The following ORC2 variants were observed in gnomAD, a reference collection of about 807,000 sequenced individuals.
The protein encoded by ORC2 is origin recognition complex subunit 2.
Under a neutral mutation model 77.7 loss-of-function variants are expected in ORC2, and 37 were observed. The ratio of observed to expected loss-of-function variants is 0.48; its 90% CI spans 0.37 to 0.63. The LOEUF is 0.63. Ranked by LOEUF, ORC2 falls within the 20% of genes least tolerant of loss-of-function variation. The pLI is 0.00. For synonymous variants in ORC2, 201 were observed against 229.5 expected (o/e 0.88, Z 1.12); for missense variants, 557 against 661.9 (o/e 0.84, Z 1.74).
chr2:200,951,742 T>C (rs1249565118), intron 4 of ORC2, among the ~76,000 whole-genome samples: 1 of 152,212 alleles, frequency 6.6e-6, no homozygotes, highest in Non-Finnish European at 1.5e-5. Flanking sequence ...TTTAATTAAA[T>C]TGTTTTCTTA....
chr2:200,963,497 T>C lies in ORC2; in HGVS notation c.-67A>G. On this transcript the variant is annotated 5_prime_UTR_variant, in exon 1 of 18. Transcript: ENST00000234296. ...CGACACCCCACTACTCACCGCTAGGTTTCCGTCTGGCGCCGATCCGGCTGC... is the reference window on the plus strand; with the variant it reads ...CGACACCCCACTACTCACCGCTAGGCTTCCGTCTGGCGCCGATCCGGCTGC... The C allele has an allele frequency of 2.5e-6, 1 of 398,546 alleles. No individual in the cohort carries two copies. Among genetic ancestry groups the C allele is most frequent in the Non-Finnish European group, 4.4e-6 (1 of 226,052 alleles). The allele number at this position is 398,546 out of a possible 1,614,324, so 24.7% of individuals were successfully genotyped here. A position where few individuals can be genotyped will look rare whatever the true frequency, so the allele number is the denominator to read the frequency against.
intron 15 of ORC2, among the ~76,000 whole-genome samples, chr2:200,916,442 G>A (rs71424273): frequency 4.3e-4 from 65 of 151,750 alleles, no homozygotes; most frequent in Non-Finnish European, 7.9e-4. Context: ...CCGAGATCTT[G>A]CCACTGCACT....
chr2:200,940,526 G>A (rs943910492), intron 7 of ORC2, among the ~76,000 whole-genome samples: 1 of 152,062 alleles, frequency 6.6e-6, no homozygotes, highest in Non-Finnish European at 1.5e-5. Flanking sequence ...AGGAGGCCAG[G>A]CGTGGTGGCT....
chr2:200,941,395 C>G (rs2041149751), intron 6 of ORC2, 116 bp from the exon 7 acceptor site: 1 of 835,732 alleles, frequency 1.2e-6, no homozygotes, highest in African/African-American at 1.7e-5. Flanking sequence ...GTAATCCCAG[C>G]ACTTTGGGAG....
At position 200,921,104 on chromosome 2, in the gene ORC2, A is replaced by C; in HGVS notation, c.1183T>G (p.Leu395Val). ...SLELFLLIHNLDSQMLRGEKS... is the reference protein window; with the variant it reads ...SLELFLLIHNVDSQMLRGEKS... ...TCTCCTCTCAACATCTGGCTATCCA[A>C]ATTGTGGATGAGAAGGAAGAGTTCT... The change falls in exon 14 of 18, where the codon TTG becomes GTG. Residue 395 changes from leucine (L) to valine (V), a missense_variant. Physicochemically the swap from Leu to Val is conservative, Grantham distance 32. Transcript: ENST00000234296. 6.2e-7 allele frequency: 1 copy of C among 1,605,834 alleles called. No individual in the cohort carries two copies. The highest frequency in any genetic ancestry group is 8.5e-7 in the Non-Finnish European group (1 of 1,174,606).
intron 15 of ORC2, among the ~76,000 whole-genome samples, chr2:200,914,584 C>T (rs985039502): frequency 3.3e-5 from 5 of 151,882 alleles, no homozygotes; most frequent in African/African-American, 1.2e-4. Context: ...TTTGAGACCA[C>T]CCTGGGCAAT....
chr2:200,922,348 A>G (rs970948307), intron 13 of ORC2, among the ~76,000 whole-genome samples: 3 of 150,728 alleles, frequency 2.0e-5, no homozygotes, highest in African/African-American at 7.3e-5. Flanking sequence ...CTGATAGCAC[A>G]GAGGAAAGAC....
chr2:200,934,861 G>A (rs1175620979), intron 9 of ORC2, among the ~76,000 whole-genome samples: 1 of 152,102 alleles, frequency 6.6e-6, no homozygotes, highest in Non-Finnish European at 1.5e-5. Context: ...TAAGCAGTAG[G>A]CTCCTCAATT....
chr2:200,951,177 C>A (rs2041349170), intron 4 of ORC2, among the ~76,000 whole-genome samples: 1 of 152,174 alleles, frequency 6.6e-6, no homozygotes, highest in South Asian at 2.1e-4. Context: ...AAGGTCCTTT[C>A]ATATCTTGTT....
chr2:200,958,359 C>T lies in ORC2; in HGVS notation c.-10-226G>A, dbSNP rs564071459. On this transcript the variant is annotated intron_variant, in intron 2 of 17. Transcript: ENST00000234296. Reference sequence around the variant, plus strand: ...AAGAGATTCTGAGATTTGAGAAGAGCTAAATCCAATCAAGGTAGCTAAAAT... The same window carrying T: ...AAGAGATTCTGAGATTTGAGAAGAGTTAAATCCAATCAAGGTAGCTAAAAT... 6.7e-4 allele frequency among the ~76,000 whole-genome samples: 102 copies of T among 151,952 alleles called. 6 individuals carry two copies. Among genetic ancestry groups the T allele is most frequent in the Non-Finnish European group, 2.9e-5 (2 of 67,968 alleles).
intron 5 of ORC2, among the ~76,000 whole-genome samples, chr2:200,947,222 T>C (rs1483913199): frequency 6.6e-6 from 1 of 152,128 alleles, no homozygotes; most frequent in Non-Finnish European, 1.5e-5. Flanking sequence ...AATTTCTTGA[T>C]GTAGATAATA....
chr2:200,955,654 T>C (rs1575185889), intron 4 of ORC2, among the ~76,000 whole-genome samples: 1 of 152,166 alleles, frequency 6.6e-6, no homozygotes, highest in African/African-American at 2.4e-5. Context: ...ATATGTGGCA[T>C]AGAGAAATCA....
chr2:200,938,444 G>A (rs548367956), intron 7 of ORC2, among the ~76,000 whole-genome samples: 1 of 152,270 alleles, frequency 6.6e-6, no homozygotes, highest in African/African-American at 2.4e-5. Context: ...ATTTACTGGT[G>A]TTAAAGTATT....
At chr2:200,934,174 A>G (rs1187540756) in intron 9 of ORC2, among the ~76,000 whole-genome samples, 200 bp from the exon 10 acceptor site, 1 of 152,246 alleles carries the variant, frequency 6.6e-6, no homozygotes, top group African/African-American at 2.4e-5. Flanking sequence ...GGATCATATA[A>G]GTTAAAGAAA....
chr2:200,911,267 C>G lies in ORC2; in HGVS notation c.*34G>C. On this transcript the variant is annotated 3_prime_UTR_variant, in exon 18 of 18. Transcript: ENST00000234296. ...AGAGGAGTGGCAGCTGGGGTACAAC[C>G]CTTCCATGGGAGATTCAAGAATAAA... is the stretch of plus-strand genomic sequence containing the variant. 1 of 1,292,418 alleles carries G rather than the reference C, an allele frequency of 7.7e-7. No individual in the cohort carries two copies. The highest frequency in any genetic ancestry group is 1.2e-5 in the South Asian group (1 of 84,074). 80.1% of individuals were successfully genotyped at this position (1,292,418 alleles called of 1,614,324 possible).
At chr2:200,913,456 AC>A in intron 16 of ORC2, 43 bp from the exon 17 acceptor site, 1 of 1,537,332 alleles carries the variant, frequency 6.5e-7, no homozygotes, top group Non-Finnish European at 8.8e-7. Context: ...AGCACTTAAG[AC>A]ATGACCCAAT....
At chr2:200,922,376 A>T (rs1014647124) in intron 13 of ORC2, among the ~76,000 whole-genome samples, 15 of 133,062 alleles carry the variant, frequency 1.1e-4, no homozygotes, top group African/African-American at 2.6e-4. Context: ...TGAAATAGGT[A>T]AAAAAAAAAA....
rs764631189 is a variant in ORC2 at position 200,942,796 on chromosome 2, A to G, written c.329-19T>C. The G allele has an allele frequency of 2.8e-5, 42 of 1,505,224 alleles. No homozygotes were observed. Among genetic ancestry groups the G allele is most frequent in the Non-Finnish European group, 3.8e-5 (41 of 1,091,176 alleles). The allele number at this position is 1,505,224 out of a possible 1,614,324, so 93.2% of individuals were successfully genotyped here. ...TCTGAAGCTGTAAACAAAGAAATAT[A>G]TAAAAACCTTTTAAAGGACAACAGT... is the stretch of plus-strand genomic sequence containing the variant. On this transcript the variant is annotated intron_variant, in intron 5 of 17. Coordinates refer to ENST00000234296, the MANE Select transcript of ORC2 (RefSeq NM_006190.5).
At position 200,957,507 on chromosome 2, in the gene ORC2, G is replaced by C; in HGVS notation, c.132C>G (p.Val44=). ...GCTTCTTTATTATTTTTTTGGGGTT[G>C]ACCAAAAGCTGCGCTCGCTCCTTCT... is the stretch of plus-strand genomic sequence containing the variant. ...KLKKERAQLL[V]NPKKIIKKPE... Residue 44 remains valine, a synonymous_variant, in exon 4 of 18, where the codon GTC becomes GTG. Coordinates refer to ENST00000234296, the MANE Select transcript of ORC2 (RefSeq NM_006190.5). 6.2e-7 allele frequency: 1 copy of C among 1,609,532 alleles called. No individual in the cohort carries two copies. Among genetic ancestry groups the C allele is most frequent in the East Asian group, 2.2e-5 (1 of 44,510 alleles).
Sources: allele counts gnomAD v4.1 joint callset (sites outside exome capture counted in the v4.1 genomes callset), GRCh38; gene constraint gnomAD v4.1.1; transcripts MANE v1.5; gene names NCBI Gene and HGNC (gene_info 2026-07-23, HGNC 2026-07-21).